FBLN7: variants seen among roughly 807,000 people sequenced by gnomAD.
FBLN7 encodes fibulin 7.
A neutral mutation model predicts 44.0 loss-of-function variants in FBLN7; 31 were observed. The observed-to-expected ratio is 0.70, with a 90% CI of 0.53 to 0.95. The LOEUF (loss-of-function observed/expected upper bound fraction) is 0.95. Ranked by LOEUF, FBLN7 falls within the 40% of genes least tolerant of loss-of-function variation. The pLI is 0.00. For synonymous variants in FBLN7, 262 were observed against 253.4 expected (o/e 1.03, Z -0.32); for missense variants, 573 against 618.5 (o/e 0.93, Z 0.78).
intron 4 of FBLN7, among the ~76,000 whole-genome samples, chr2:112,178,519 C>T (rs572549605): frequency 9.9e-5 from 15 of 152,050 alleles, no homozygotes; most frequent in East Asian, 1.9e-4. Flanking sequence ...AGAGTCATCT[C>T]GATACCAAAA....
At chr2:112,160,327 G>T (rs1484265897) in intron 2 of FBLN7, among the ~76,000 whole-genome samples, 1 of 152,162 alleles carries the variant, frequency 6.6e-6, no homozygotes, top group Non-Finnish European at 1.5e-5. Flanking sequence ...TGGTGGCAGT[G>T]GGGGTGGGGG....
the FBLN7 span, chr2:112,216,406 CCAGTCTTGAA>C: frequency 1.3e-5 from 2 of 152,266 alleles, no homozygotes; most frequent in Admixed American, 6.5e-5. Flanking sequence ...CTCCAAATCA[CCAGTCTTGAA>C]CAGTCTTGAA....
chr2:112,243,655 A>C, the FBLN7 span, among the ~76,000 whole-genome samples: 1 of 152,210 alleles, frequency 6.6e-6, no homozygotes, highest in Admixed American at 6.5e-5. Flanking sequence ...TATCAGTCAA[A>C]GGCTGTGTTG....
the FBLN7 span, among the ~76,000 whole-genome samples, chr2:112,221,670 A>G: frequency 1.3e-5 from 2 of 151,942 alleles, no homozygotes; most frequent in Non-Finnish European, 2.9e-5. Flanking sequence ...AAGACTTGAG[A>G]CTGCACTGTG....
chr2:112,217,519 C>T, the FBLN7 span, among the ~76,000 whole-genome samples: 1 of 152,014 alleles, frequency 6.6e-6, no homozygotes, highest in African/African-American at 2.4e-5. Flanking sequence ...TGGATGGGTG[C>T]TTTATGCATG....
At chr2:112,197,993 C>T in the FBLN7 span, among the ~76,000 whole-genome samples, 6 of 152,132 alleles carry the variant, frequency 3.9e-5, no homozygotes, top group African/African-American at 9.7e-5. Flanking sequence ...TTCATTGACT[C>T]CAGGAACAGG....
chr2:112,185,150 A>G (rs1319624675), intron 6 of FBLN7, 51 bp from the exon 7 acceptor site: 1 of 1,584,662 alleles, frequency 6.3e-7, no homozygotes, highest in East Asian at 2.3e-5. Flanking sequence ...TCTGTCTGCA[A>G]TGGAGGGAAG....
At chr2:112,164,611 G>T (rs904195846) in intron 2 of FBLN7, among the ~76,000 whole-genome samples, 1 of 152,232 alleles carries the variant, frequency 6.6e-6, no homozygotes, top group Non-Finnish European at 1.5e-5. Flanking sequence ...AAAATCCCAG[G>T]CCTGGAGCTG....
rs1323272492 is a variant in FBLN7, at chr2:112,165,134, C to A, written c.369C>A (p.Pro123=). The A allele has an allele frequency of 6.2e-7, 1 of 1,614,204 alleles. No homozygotes were observed. Among genetic ancestry groups the A allele is most frequent in the Admixed American group, 1.7e-5 (1 of 60,028 alleles). Residue 123 remains proline (P), a synonymous_variant, in exon 3 of 8, where the codon CCC becomes CCA. Coordinates refer to ENST00000331203, the MANE Select transcript of FBLN7 (RefSeq NM_153214.3). The stretch of plus-strand genomic sequence containing the variant: ...GGCCCAGCAGCGTGGTGTGTCTTCC[C>A]AATGGCACCTGGACAGGGGAGCAGC... ...LVGPSSVVCL[P]NGTWTGEQPH...
In FBLN7 at chr2:112,160,804, GCA is replaced by G. The variant is rs546715298; in HGVS notation, c.235+977_235+978del. Among the ~76,000 whole-genome samples, 120 of 135,374 alleles carry G rather than the reference GCA, an allele frequency of 8.9e-4. No individual in the cohort carries two copies. The South Asian group carries it at 0.011, about 13-fold the overall frequency. 88.8% of individuals were successfully genotyped at this position (135,374 alleles called of 152,430 possible). On this transcript the variant is annotated intron_variant, in intron 2 of 7. Transcript: ENST00000331203. Reference sequence around the variant, plus strand: ...CACGCACGCACACGCACACACGCACGCACACACACGCACACACAAGCACGCAT... The same window carrying G: ...CACGCACGCACACGCACACACGCACGCACACACGCACACACAAGCACGCAT...
In FBLN7 at chr2:112,178,165, C is replaced by T. The variant is rs369757021; in HGVS notation, c.532+2326C>T. The T allele has an allele frequency of 1.1e-3, 170 of 150,062 alleles. 1 individual carries two copies. The highest frequency in any genetic ancestry group is 3.3e-3 in the African/African-American group (133 of 40,846). 9.3% of individuals were successfully genotyped at this position (150,062 alleles called of 1,614,324 possible). Reference sequence around the variant, plus strand: ...CCTGGGTGACACAGCGAGACTCTGTCTCAAAAAGAAAGAAAGAGAGAGAGA... The same window carrying T: ...CCTGGGTGACACAGCGAGACTCTGTTTCAAAAAGAAAGAAAGAGAGAGAGA... On this transcript the variant is annotated intron_variant, in intron 4 of 7. Coordinates refer to ENST00000331203, the MANE Select transcript of FBLN7 (RefSeq NM_153214.3).
the FBLN7 span, among the ~76,000 whole-genome samples, chr2:112,238,902 G>A: frequency 6.6e-6 from 1 of 152,166 alleles, no homozygotes; most frequent in Non-Finnish European, 1.5e-5. Context: ...TTCTGCCTTT[G>A]CATTGACAGT....
chr2:112,208,427 A>C, the FBLN7 span, among the ~76,000 whole-genome samples: 2 of 151,324 alleles, frequency 1.3e-5, no homozygotes, highest in Admixed American at 6.6e-5. Context: ...CAAAACAAAA[A>C]AACAAACAAA....
chr2:112,238,184 G>T, the FBLN7 span: 1 of 939,758 alleles, frequency 1.1e-6, no homozygotes, highest in Non-Finnish European at 1.6e-6. Context: ...GCTCATGTCT[G>T]GTATAAATAT....
chr2:112,162,318 C>G (rs1573795392), intron 2 of FBLN7, among the ~76,000 whole-genome samples: 1 of 138,308 alleles, frequency 7.2e-6, no homozygotes, highest in Non-Finnish European at 1.6e-5. Context: ...CCTGTTTTGC[C>G]TTTTTTTTTT....
intron 1 of FBLN7, among the ~76,000 whole-genome samples, chr2:112,156,511 T>C (rs1319186820): frequency 5.9e-5 from 9 of 152,172 alleles, no homozygotes; most frequent in Non-Finnish European, 1.2e-4. Flanking sequence ...AAGTCATCTA[T>C]AAAAGCAGAG....
At chr2:112,227,654 GAAAT>G in the FBLN7 span, among the ~76,000 whole-genome samples, 1 of 152,056 alleles carries the variant, frequency 6.6e-6, no homozygotes, top group African/African-American at 2.4e-5. Context: ...ATCAATAACA[GAAAT>G]AAATTCTATT....
the FBLN7 span, among the ~76,000 whole-genome samples, chr2:112,223,277 G>T: frequency 7.3e-5 from 11 of 151,612 alleles, no homozygotes; most frequent in Non-Finnish European, 5.9e-5. Context: ...GAAAAAAAAA[G>T]TAAAGAATAT....
chr2:112,233,182 G>T, the FBLN7 span: 1 of 902,376 alleles, frequency 1.1e-6, no homozygotes, highest in Non-Finnish European at 1.6e-6. Context: ...TAAAACACTG[G>T]TTTCATTAAA....
Sources: allele counts gnomAD v4.1 joint callset (sites outside exome capture counted in the v4.1 genomes callset), GRCh38; gene constraint gnomAD v4.1.1; transcripts MANE v1.5; gene names NCBI Gene and HGNC (gene_info 2026-07-23, HGNC 2026-07-21).